Variants in SPRED1 observed in about 807,000 individuals in gnomAD.
The protein encoded by SPRED1 is sprouty related EVH1 domain containing 1, also known as sprouty-related, EVH1 domain-containing protein 1.
SPRED1 carries 18 observed loss-of-function variants against 52.3 expected under a neutral mutation model. The observed-to-expected ratio is 0.34, with a 90% CI of 0.24 to 0.51. The LOEUF (loss-of-function observed/expected upper bound fraction) is 0.51. SPRED1 is among the 20% of genes least tolerant of loss of function. SPRED1 has a pLI of 0.97. For missense variants in SPRED1, 485 were observed against 551.0 expected, an observed-to-expected ratio of 0.88 and a Z score of 1.20; for synonymous variants, 155 against 179.7, an observed-to-expected ratio of 0.86 and a Z score of 1.10.
intron 1 of SPRED1, among the ~76,000 whole-genome samples, chr15:38,264,913 C>T (rs1466449301): frequency 6.6e-6 from 1 of 152,080 alleles, no homozygotes; most frequent in Non-Finnish European, 1.5e-5. Context: ...GGAAGAGAGA[C>T]ATGTAAATAA....
At chr15:38,279,585 G>A (rs1894642510) in intron 1 of SPRED1, among the ~76,000 whole-genome samples, 1 of 152,116 alleles carries the variant, frequency 6.6e-6, no homozygotes, top group South Asian at 2.1e-4. Flanking sequence ...CCCAGATCAA[G>A]GTCCAGCTCT....
chr15:38,346,793 G>A lies in SPRED1; in HGVS notation c.583-2629G>A, dbSNP rs1896147215. On this transcript the variant is annotated intron_variant, in intron 5 of 6. Transcript: ENST00000299084. Reference sequence around the variant, plus strand: ...GGACTTTTTACATTGATGTGCTACAGAAGGTTCTGGGACAAATTGGACTTT... The same window carrying A: ...GGACTTTTTACATTGATGTGCTACAAAAGGTTCTGGGACAAATTGGACTTT... Among the ~76,000 whole-genome samples the A allele has an allele frequency of 2.0e-5, 3 of 152,178 alleles. No individual in the cohort carries two copies. In the South Asian group the frequency reaches 6.2e-4, roughly 32 times the overall value.
At chr15:38,286,711 C>T (rs1220745170) in intron 1 of SPRED1, among the ~76,000 whole-genome samples, 1 of 152,074 alleles carries the variant, frequency 6.6e-6, no homozygotes, top group East Asian at 1.9e-4. Context: ...TACTGCTTTA[C>T]CATGAATATT....
chr15:38,291,836 G>A (rs1894929997), intron 1 of SPRED1, among the ~76,000 whole-genome samples: 1 of 152,180 alleles, frequency 6.6e-6, no homozygotes. Flanking sequence ...GTGATGGGAG[G>A]GGCTGCTCTG....
In SPRED1 at chr15:38,354,126, G is replaced by GAT. The variant is rs1888552892; in HGVS notation, c.*2466_*2467dup. ...TAATCAGTCTACAAGACTAACTGATGATATAATGTTCTCTGAATCCCTATA... is the reference window on the plus strand; with the variant it reads ...TAATCAGTCTACAAGACTAACTGATGATATATAATGTTCTCTGAATCCCTATA... On this transcript the variant is annotated 3_prime_UTR_variant, in exon 7 of 7. Transcript: ENST00000299084. 1 of 152,488 alleles carries GAT rather than the reference G, an allele frequency of 6.6e-6. No homozygotes were observed. Among genetic ancestry groups the GAT allele is most frequent in the Non-Finnish European group, 1.5e-5 (1 of 68,016 alleles). 9.4% of individuals were successfully genotyped at this position (152,488 alleles called of 1,614,324 possible). A position where few individuals can be genotyped will look rare whatever the true frequency, so the allele number is the denominator to read the frequency against.
In SPRED1 at chr15:38,255,775, G is replaced by A. The variant is rs183425997; in HGVS notation, c.32+2558G>A. The stretch of plus-strand genomic sequence containing the variant: ...CTGCCCTGTAACATGGATTTTATTT[G>A]GGCCTTACATTTTTTTCCCTTTTCT... On this transcript the variant is annotated intron_variant, in intron 1 of 6. Coordinates refer to ENST00000299084, the MANE Select transcript of SPRED1 (RefSeq NM_152594.3). 3.8e-4 allele frequency among the ~76,000 whole-genome samples: 58 copies of A among 151,038 alleles called. No homozygotes were observed. In the East Asian group the frequency reaches 0.011, roughly 28 times the overall value.
intron 5 of SPRED1, among the ~76,000 whole-genome samples, chr15:38,347,898 T>A (rs1896175222): frequency 6.6e-6 from 1 of 152,074 alleles, no homozygotes; most frequent in South Asian, 2.1e-4. Flanking sequence ...GTGTATCTTA[T>A]CACATCTGTT....
chr15:38,264,471 T>C (rs1330869071), intron 1 of SPRED1, among the ~76,000 whole-genome samples: 4 of 152,300 alleles, frequency 2.6e-5, no homozygotes, highest in East Asian at 3.9e-4. Flanking sequence ...ATTTTGATCA[T>C]AGAACAATGG....
Position 38,299,442 on chromosome 15 carries a change from T to C in SPRED1, c.102T>C (p.Leu34=), listed in dbSNP as rs2140978435. 2 of 1,614,000 alleles carry C rather than the reference T, an allele frequency of 1.2e-6. No individual in the cohort carries two copies. The highest frequency in any genetic ancestry group is 8.5e-7 in the Non-Finnish European group (1 of 1,179,926). ...RDDSSGGWLP[L]GGSGLSSVTV... ...ACTCAAGTGGTGGATGGTTACCACT[T>C]GGAGGGAGTGGACTAAGCAGCGTCA... Residue 34 remains leucine (L), a synonymous_variant, in exon 2 of 7, where the codon CTT becomes CTC. Coordinates refer to ENST00000299084, the MANE Select transcript of SPRED1 (RefSeq NM_152594.3).
chr15:38,321,606 G>A (rs1343324923), intron 2 of SPRED1, among the ~76,000 whole-genome samples: 2 of 151,974 alleles, frequency 1.3e-5, no homozygotes, highest in Non-Finnish European at 1.5e-5. Flanking sequence ...GTTTTGTTTT[G>A]TTTTTGAGAC....
intron 2 of SPRED1, among the ~76,000 whole-genome samples, chr15:38,302,962 G>C (rs938250906): frequency 6.6e-6 from 1 of 151,904 alleles, no homozygotes; most frequent in Non-Finnish European, 1.5e-5. Flanking sequence ...AGGAAATAGC[G>C]ACCATCGTGG....
intron 5 of SPRED1, among the ~76,000 whole-genome samples, chr15:38,346,904 G>A (rs2141013050): frequency 6.6e-6 from 1 of 152,258 alleles, no homozygotes; most frequent in African/African-American, 2.4e-5. Flanking sequence ...TTTACAAATG[G>A]ATTTTAACTG....
At position 38,351,717 on chromosome 15, in the gene SPRED1, A is replaced by T; in HGVS notation, c.*53A>T. On this transcript the variant is annotated 3_prime_UTR_variant, in exon 7 of 7. Transcript: ENST00000299084. ...AATCTTTGTTTCCAGGAATTAGCTA[A>T]CTTGGATTTGTGGAAGCTTTTGGCA... The T allele has an allele frequency of 6.3e-7, 1 of 1,595,718 alleles. No homozygotes were observed. The highest frequency in any genetic ancestry group is 8.5e-7 in the Non-Finnish European group (1 of 1,175,656).
At chr15:38,308,006 T>C (rs1436462503) in intron 2 of SPRED1, among the ~76,000 whole-genome samples, 1 of 152,182 alleles carries the variant, frequency 6.6e-6, no homozygotes, top group Non-Finnish European at 1.5e-5. Context: ...TGATATAATA[T>C]CTATTTTCTT....
intron 2 of SPRED1, among the ~76,000 whole-genome samples, chr15:38,305,318 G>A (rs1402789319): frequency 1.4e-5 from 2 of 147,640 alleles, no homozygotes; most frequent in Admixed American, 6.8e-5. Flanking sequence ...GGTAACGAGA[G>A]TGAAACTGTC....
At chr15:38,300,593 T>A (rs530467482) in intron 2 of SPRED1, among the ~76,000 whole-genome samples, 2 of 152,128 alleles carry the variant, frequency 1.3e-5, no homozygotes, top group East Asian at 3.9e-4. Flanking sequence ...CCCAATTTCT[T>A]CCCCACTTAA....
Position 38,351,774 on chromosome 15 carries a change from G to A in SPRED1, c.*110G>A. ...ATGGAATCTTGCCTGGTATCATTGA[G>A]CCCACACATGGAGGAAGCAGAACTC... On this transcript the variant is annotated 3_prime_UTR_variant, in exon 7 of 7. Coordinates refer to ENST00000299084, the MANE Select transcript of SPRED1 (RefSeq NM_152594.3). The A allele has an allele frequency of 7.6e-7, 1 of 1,319,358 alleles. No homozygotes were observed. The highest frequency in any genetic ancestry group is 1.1e-6 in the Non-Finnish European group (1 of 948,052). 81.7% of individuals were successfully genotyped at this position (1,319,358 alleles called of 1,614,324 possible). A position where few individuals can be genotyped will look rare whatever the true frequency, so the allele number is the denominator to read the frequency against.
At chr15:38,289,624 G>A (rs1595727965) in intron 1 of SPRED1, among the ~76,000 whole-genome samples, 1 of 151,904 alleles carries the variant, frequency 6.6e-6, no homozygotes, top group South Asian at 2.1e-4. Context: ...AACCTTTCCT[G>A]ACTGTATAGG....
intron 1 of SPRED1, among the ~76,000 whole-genome samples, chr15:38,278,006 T>TAATGAA (rs150126215): frequency 1.8e-3 from 276 of 151,418 alleles, no homozygotes; most frequent in African/African-American, 6.4e-3. Flanking sequence ...AAGGATGTAT[T>TAATGAA]AATGGCAAGT....
Sources: allele counts gnomAD v4.1 joint callset (sites outside exome capture counted in the v4.1 genomes callset), GRCh38; gene constraint gnomAD v4.1.1; transcripts MANE v1.5; gene names NCBI Gene and HGNC (gene_info 2026-07-23, HGNC 2026-07-21).